The following RAPH1 variants were observed in gnomAD, a reference collection of about 807,000 sequenced individuals.
The protein encoded by RAPH1 is ras-associated and pleckstrin homology domains-containing protein 1.
In RAPH1, 18 loss-of-function variants were observed where a neutral mutation model predicts 88.1. The observed-to-expected ratio is 0.20, with a 90% CI of 0.14 to 0.30. The LOEUF (loss-of-function observed/expected upper bound fraction) is 0.30, where lower values mean the gene tolerates loss of function less well. RAPH1 is among the 10% of genes least tolerant of loss of function. The probability of loss-of-function intolerance (pLI) is 1.00; values close to 1 mark genes in which losing one functional copy is unlikely to be tolerated. For synonymous variants in RAPH1, 587 were observed against 559.0 expected (o/e 1.05, Z -0.71); for missense variants, 1,448 against 1,543.2 (o/e 0.94, Z 1.03).
At chr2:203,452,252 T>C (rs147023676) in intron 10 of RAPH1, among the ~76,000 whole-genome samples, 20 of 152,314 alleles carry the variant, frequency 1.3e-4, no homozygotes, top group South Asian at 2.1e-4. Flanking sequence ...CCCTGGCATA[T>C]TGACTAAGTT....
At chr2:203,459,054 A>G (rs1305232305) in intron 7 of RAPH1, among the ~76,000 whole-genome samples, 1 of 151,848 alleles carries the variant, frequency 6.6e-6, no homozygotes, top group Admixed American at 6.6e-5. Context: ...TATTTTTAGT[A>G]GAGACGGGGT....
intron 1 of RAPH1, among the ~76,000 whole-genome samples, chr2:203,498,526 G>A (rs573934225): frequency 1.2e-3 from 187 of 152,260 alleles, no homozygotes; most frequent in Non-Finnish European, 2.1e-3. Flanking sequence ...GGCAAGCTCC[G>A]TTCTTGGAGA....
intron 1 of RAPH1, among the ~76,000 whole-genome samples, chr2:203,512,439 G>C (rs1431039892): frequency 6.6e-6 from 1 of 151,806 alleles, no homozygotes; most frequent in East Asian, 1.9e-4. Flanking sequence ...ATTCCACCAG[G>C]AGTAAGAAAT....
At chr2:203,455,353 G>T in intron 9 of RAPH1, 84 bp downstream of exon 9, 4 of 1,251,382 alleles carry the variant, frequency 3.2e-6, no homozygotes, top group Non-Finnish European at 3.4e-6. Flanking sequence ...ATCATAGCCT[G>T]GGTTCACCTT....
At chr2:203,529,145 A>G (rs949474027) in intron 1 of RAPH1, among the ~76,000 whole-genome samples, 8 of 149,710 alleles carry the variant, frequency 5.3e-5, no homozygotes, top group Admixed American at 3.4e-4. Flanking sequence ...ATGCCTGCCT[A>G]ATTTTTGTAT....
In RAPH1 at chr2:203,467,677, G is replaced by A. The variant is rs961190523; in HGVS notation, c.733-5752C>T. 3.9e-5 allele frequency among the ~76,000 whole-genome samples: 6 copies of A among 152,134 alleles called. No individual in the cohort carries two copies. The South Asian group carries it at 1.0e-3, about 26-fold the overall frequency. On this transcript the variant is annotated intron_variant, in intron 4 of 13. Coordinates refer to ENST00000319170, the MANE Select transcript of RAPH1 (RefSeq NM_213589.3). The stretch of plus-strand genomic sequence containing the variant: ...TCCAAGGTCTCAGGACCAACTTCAG[G>A]ACTTGTGTACGTGCAGGTTTTGGTA...
At position 203,506,828 on chromosome 2, in the gene RAPH1, A is replaced by ATATCTATATATC. The variant is rs1183808367; in HGVS notation, c.1-11476_1-11475insGATATATAGATA. On this transcript the variant is annotated intron_variant, in intron 1 of 13. Coordinates refer to ENST00000319170, the MANE Select transcript of RAPH1 (RefSeq NM_213589.3). ...TATCTATATCTATATATCTATATAT[A>ATATCTATATATC]TATCTATATCTATATATCTATCTAT... Among the ~76,000 whole-genome samples, 183 of 20,832 alleles carry ATATCTATATATC rather than the reference A, an allele frequency of 8.8e-3. 4 individuals carry two copies. The highest frequency in any genetic ancestry group is 0.02 in the Admixed American group (30 of 1,526). The allele number at this position is 20,832 out of a possible 152,430, so 13.7% of individuals were successfully genotyped here.
chr2:203,518,075 T>C (rs1365669173), intron 1 of RAPH1, among the ~76,000 whole-genome samples: 1 of 152,072 alleles, frequency 6.6e-6, no homozygotes, highest in Non-Finnish European at 1.5e-5. Flanking sequence ...AAGCTGGTTC[T>C]TAATAAAATT....
intron 4 of RAPH1, among the ~76,000 whole-genome samples, chr2:203,479,972 A>T (rs1470507566): frequency 6.6e-6 from 1 of 151,098 alleles, no homozygotes; most frequent in South Asian, 2.1e-4. Flanking sequence ...AAAAATGTCC[A>T]GTGAGTCTCC....
At chr2:203,522,655 A>C (rs1423517505) in intron 1 of RAPH1, among the ~76,000 whole-genome samples, 1 of 152,130 alleles carries the variant, frequency 6.6e-6, no homozygotes, top group Non-Finnish European at 1.5e-5. Flanking sequence ...TAATCCCAGC[A>C]GTTTGGAAGG....
chr2:203,465,500 C>CA (rs1446242856), intron 4 of RAPH1, among the ~76,000 whole-genome samples: 1 of 152,180 alleles, frequency 6.6e-6, no homozygotes, highest in African/African-American at 2.4e-5. Context: ...AATGAATAGG[C>CA]AGAGCACGGA....
intron 4 of RAPH1, among the ~76,000 whole-genome samples, chr2:203,471,086 T>C (rs958588027): frequency 3.3e-5 from 5 of 152,236 alleles, no homozygotes; most frequent in African/African-American, 9.6e-5. Flanking sequence ...GTTAATACAA[T>C]TGTATTTCAT....
At chr2:203,534,508 A>ACCCCCCCCC (rs71007530) in intron 1 of RAPH1, among the ~76,000 whole-genome samples, 2 of 19,106 alleles carry the variant, frequency 1.0e-4, no homozygotes, top group Admixed American at 1.1e-3. Context: ...CCCTCCGTCC[A>ACCCCCCCCC]CCCCCCCCCC....
intron 1 of RAPH1, among the ~76,000 whole-genome samples, chr2:203,522,979 A>C (rs1310794832): frequency 1.3e-5 from 2 of 152,034 alleles, no homozygotes; most frequent in Non-Finnish European, 2.9e-5. Context: ...TTCAAGACTC[A>C]CTATCCAGCT....
At chr2:203,463,053 T>C (rs559420263) in intron 4 of RAPH1, among the ~76,000 whole-genome samples, 1 of 151,926 alleles carries the variant, frequency 6.6e-6, no homozygotes, top group South Asian at 2.1e-4. Context: ...AATACAAAAA[T>C]TAGCTGCTCT....
rs1440291478 is a variant in RAPH1 at position 203,489,968 on chromosome 2, TTTC to T, written c.345_347del (p.Lys116del). On this transcript the variant is annotated inframe_deletion, in exon 4 of 14. Coordinates refer to ENST00000319170, the MANE Select transcript of RAPH1 (RefSeq NM_213589.3). ...GGCTAACAGGCAATTTCTGAGTAGC[TTTC>T]GTTTCTGTGATTTGACGCTTACTGT... 3.1e-6 allele frequency: 5 copies of T among 1,614,194 alleles called. No homozygotes were observed. In the Admixed American group the frequency reaches 6.7e-5, roughly 22 times the overall value.
At chr2:203,467,886 G>A (rs2153645114) in intron 4 of RAPH1, among the ~76,000 whole-genome samples, 1 of 151,952 alleles carries the variant, frequency 6.6e-6, no homozygotes, top group Non-Finnish European at 1.5e-5. Context: ...TCCCACCTCA[G>A]CCTCCTGAGT....
At chr2:203,480,303 C>A (rs1429937688) in intron 4 of RAPH1, among the ~76,000 whole-genome samples, 2 of 152,212 alleles carry the variant, frequency 1.3e-5, no homozygotes, top group East Asian at 3.8e-4. Context: ...AATCCCAGCA[C>A]TTTGGGAGGC....
In RAPH1 at chr2:203,440,611, G is replaced by A. The variant is rs931579112; in HGVS notation, c.2579C>T (p.Ser860Leu). ...PPPSPLSPVP[S>L]VVKQIASQFP... is the part of the protein sequence containing the mutation. ...CTGGCTGGCTATCTGCTTCACGACCGAGGGCACCGGTGACAGTGGAGAGGG... is the reference window on the plus strand; with the variant it reads ...CTGGCTGGCTATCTGCTTCACGACCAAGGGCACCGGTGACAGTGGAGAGGG... Residue 860 changes from serine (S) to leucine (L), a missense_variant, in exon 14 of 14, where the codon TCG (serine) becomes TTG (leucine). By Grantham distance (145) the Ser-to-Leu change is moderately radical. Transcript: ENST00000319170. 6 of 1,554,774 alleles carry A rather than the reference G, an allele frequency of 3.9e-6. No individual in the cohort carries two copies. Among genetic ancestry groups the A allele is most frequent in the African/African-American group, 1.4e-5 (1 of 73,158 alleles).
Sources: gnomAD v4.1 joint callset for allele counts (sites outside exome capture counted in the v4.1 genomes callset) on GRCh38, gnomAD v4.1.1 for gene constraint, MANE v1.5 for transcripts, NCBI Gene and HGNC (gene_info 2026-07-23, HGNC 2026-07-21) for gene names.